The following EZH1 variants were observed in gnomAD, a reference collection of about 807,000 sequenced individuals.
EZH1 encodes histone-lysine N-methyltransferase EZH1.
A neutral mutation model predicts 100.5 loss-of-function variants in EZH1; 33 were observed. The observed-to-expected ratio is 0.33, with a 90% confidence interval of 0.25 to 0.44. The LOEUF (loss-of-function observed/expected upper bound fraction) is 0.44, where lower values mean the gene tolerates loss of function less well. Ranked by LOEUF, EZH1 falls within the 20% of genes least tolerant of loss-of-function variation. The pLI, the probability that EZH1 is intolerant of heterozygous loss-of-function variation, is 1.00. For synonymous variants in EZH1, 272 were observed against 313.8 expected (o/e 0.87, Z 1.41); for missense variants, 475 against 928.4 (o/e 0.51, Z 6.35).
intron 1 of EZH1, among the ~76,000 whole-genome samples, chr17:42,734,005 AC>A (rs1213447622): frequency 6.6e-6 from 1 of 150,620 alleles, no homozygotes; most frequent in Non-Finnish European, 1.5e-5. Context: ...ACCCATTACC[AC>A]ACATATACCA....
Position 42,706,311 on chromosome 17 carries a change from G to A in EZH1, c.1661-126C>T. The A allele has an allele frequency of 2.6e-6, 2 of 771,934 alleles. No individual in the cohort carries two copies. The highest frequency in any genetic ancestry group is 3.8e-6 in the Non-Finnish European group (2 of 523,828). 47.8% of individuals were successfully genotyped at this position (771,934 alleles called of 1,614,324 possible). ...AGGATGTTTGGCAAAATAAGAGGAA[G>A]CTCCCTTCCCAATAATCAAATACAC... On this transcript the variant is annotated intron_variant, in intron 15 of 20. Transcript: ENST00000428826. The surrounding 1 kb of genome is among the most constrained non-coding windows in gnomAD (Gnocchi z 4.4).
At chr17:42,739,711 G>C (rs1465029390) in intron 1 of EZH1, among the ~76,000 whole-genome samples, 2 of 151,812 alleles carry the variant, frequency 1.3e-5, no homozygotes, top group Non-Finnish European at 2.9e-5. Context: ...TGAGCAACAA[G>C]AGTGAAATTC....
rs569157612 is a variant in EZH1, at chr17:42,706,941, C to T, written c.1661-756G>A. On this transcript the variant is annotated intron_variant, in intron 15 of 20. Coordinates refer to ENST00000428826, the MANE Select transcript of EZH1 (RefSeq NM_001991.5). The surrounding 1 kb of genome is among the most constrained non-coding windows in gnomAD (Gnocchi z 4.4). ...CACTTCTCTGCTGCGGCTAAGATCACTATCTGCTATGGGTTAGGAGGTATT... is the reference window on the plus strand; with the variant it reads ...CACTTCTCTGCTGCGGCTAAGATCATTATCTGCTATGGGTTAGGAGGTATT... Among the ~76,000 whole-genome samples, 46 of 152,318 alleles carry T rather than the reference C, an allele frequency of 3.0e-4. No homozygotes were observed. The highest frequency in any genetic ancestry group is 1.0e-3 in the African/African-American group (42 of 41,578).
chr17:42,705,578 G>A (rs1308314198), intron 16 of EZH1: 6 of 184,442 alleles, frequency 3.3e-5, no homozygotes, highest in East Asian at 1.6e-4. Context: ...GGAGTGCAGT[G>A]GTGCGATCTC....
At chr17:42,725,783 T>C (rs942912929) in intron 4 of EZH1, among the ~76,000 whole-genome samples, 1 of 152,212 alleles carries the variant, frequency 6.6e-6, no homozygotes, top group African/African-American at 2.4e-5. Context: ...CTTAGCTGCA[T>C]AGGTGATAGG....
chr17:42,720,580 G>A, intron 6 of EZH1, 131 bp from the exon 7 acceptor site: 1 of 727,034 alleles, frequency 1.4e-6, no homozygotes, highest in Non-Finnish European at 2.1e-6. Context: ...TGGGAGATCA[G>A]GAAATTACAA....
chr17:42,712,832 G>A (rs2053511857), intron 11 of EZH1, among the ~76,000 whole-genome samples: 1 of 152,126 alleles, frequency 6.6e-6, no homozygotes, highest in Non-Finnish European at 1.5e-5. Flanking sequence ...GAGGTCAGAA[G>A]TTCAAGACCA....
At chr17:42,735,903 T>C (rs2054056107) in intron 1 of EZH1, among the ~76,000 whole-genome samples, 2 of 152,002 alleles carry the variant, frequency 1.3e-5, no homozygotes, top group African/African-American at 4.8e-5. Flanking sequence ...GAGAATTGCT[T>C]AAACCCAGGA....
chr17:42,704,482 A>G, intron 18 of EZH1, 120 bp downstream of exon 18: 1 of 692,452 alleles, frequency 1.4e-6, no homozygotes, highest in East Asian at 2.9e-5. Flanking sequence ...CAGAGGGTAG[A>G]GGCTACAGTG....
intron 13 of EZH1, 190 bp from the exon 14 acceptor site, chr17:42,709,106 C>T (rs2053422027): frequency 4.9e-6 from 3 of 617,802 alleles, no homozygotes; most frequent in South Asian, 3.9e-5. Context: ...GCCTGTGCTA[C>T]AAGAGTTAAA....
At position 42,730,911 on chromosome 17, in the gene EZH1, G is replaced by A. The variant is rs1405648534; in HGVS notation, c.-95C>T. On this transcript the variant is annotated 5_prime_UTR_variant, in exon 2 of 21. Coordinates refer to ENST00000428826, the MANE Select transcript of EZH1 (RefSeq NM_001991.5). ...ATGGCAGGACACAACAGCAGAACAGGTGTCCAGCTTTTCAAAAGAGAACAG... is the reference window on the plus strand; with the variant it reads ...ATGGCAGGACACAACAGCAGAACAGATGTCCAGCTTTTCAAAAGAGAACAG... 1.0e-6 allele frequency: 1 copy of A among 985,328 alleles called. No homozygotes were observed. Among genetic ancestry groups the A allele is most frequent in the East Asian group, 1.1e-4 (1 of 8,968 alleles). The allele number at this position is 985,328 out of a possible 1,614,324, so 61.0% of individuals were successfully genotyped here. A position where few individuals can be genotyped will look rare whatever the true frequency, so the allele number is the denominator to read the frequency against.
At position 42,745,027 on chromosome 17, in the gene EZH1, C is replaced by G. The variant is rs558974793; in HGVS notation, c.-119G>C. 1.2e-5 allele frequency: 15 copies of G among 1,272,748 alleles called. No homozygotes were observed. The South Asian group carries it at 1.7e-4, about 14-fold the overall frequency. The allele number at this position is 1,272,748 out of a possible 1,614,324, so 78.8% of individuals were successfully genotyped here. ...CTCACTCACCCTCCATCCCGAGCCGCGGGTCCCGCTGCTAGGACGCATGCG... is the reference window on the plus strand; with the variant it reads ...CTCACTCACCCTCCATCCCGAGCCGGGGGTCCCGCTGCTAGGACGCATGCG... On this transcript the variant is annotated 5_prime_UTR_variant, in exon 1 of 21. Coordinates refer to ENST00000428826, the MANE Select transcript of EZH1 (RefSeq NM_001991.5).
intron 6 of EZH1, among the ~76,000 whole-genome samples, chr17:42,721,821 G>C (rs1365209340): frequency 6.6e-6 from 1 of 151,972 alleles, no homozygotes; most frequent in African/African-American, 2.4e-5. Flanking sequence ...ACCAGCCTGG[G>C]CAACGTGGTG....
Position 42,717,965 on chromosome 17 carries a change from T to A in EZH1, c.1023+11A>T. The A allele has an allele frequency of 6.2e-7, 1 of 1,613,498 alleles. No homozygotes were observed. The highest frequency in any genetic ancestry group is 2.2e-5 in the East Asian group (1 of 44,884). On this transcript the variant is annotated intron_variant, in intron 10 of 20. Coordinates refer to ENST00000428826, the MANE Select transcript of EZH1 (RefSeq NM_001991.5). The stretch of plus-strand genomic sequence containing the variant: ...TGAAGTTAATAATGCCAGAACAGCT[T>A]AAGAACATACCAGCAAAAGGAAGCA...
intron 1 of EZH1, among the ~76,000 whole-genome samples, chr17:42,740,117 T>C (rs550595764): frequency 6.6e-6 from 1 of 152,248 alleles, no homozygotes; most frequent in African/African-American, 2.4e-5. Flanking sequence ...GGCATGATCA[T>C]AGCTCACTGC....
intron 2 of EZH1, 99 bp from the exon 3 acceptor site, chr17:42,729,051 C>T: frequency 1.6e-6 from 2 of 1,255,884 alleles, no homozygotes; most frequent in Non-Finnish European, 2.2e-6. Context: ...CTTTCATTCC[C>T]ATTAAATTTA....
At chr17:42,730,487 C>CTTTTTTTT (rs1156867481) in intron 2 of EZH1, among the ~76,000 whole-genome samples, 7 of 66,666 alleles carry the variant, frequency 1.1e-4, no homozygotes, top group African/African-American at 2.3e-4. Context: ...AGTATGTATT[C>CTTTTTTTT]TTTTTTTTTT....
intron 4 of EZH1, among the ~76,000 whole-genome samples, chr17:42,725,267 A>T (rs2053796052): frequency 6.6e-6 from 1 of 152,008 alleles, no homozygotes; most frequent in Non-Finnish European, 1.5e-5. Context: ...TGTGGAAAGT[A>T]GAAACTCTTT....
At chr17:42,711,176 A>G (rs2053474608) in intron 12 of EZH1, among the ~76,000 whole-genome samples, 1 of 151,924 alleles carries the variant, frequency 6.6e-6, no homozygotes, top group South Asian at 2.1e-4. Context: ...TCTCTACTAA[A>G]AAAAAATACA....
Sources: gnomAD v4.1 joint callset for allele counts (sites outside exome capture counted in the v4.1 genomes callset) on GRCh38, gnomAD v4.1.1 for gene constraint, Gnocchi (gnomAD v3.1) non-coding constraint, MANE v1.5 for transcripts, NCBI Gene and HGNC (gene_info 2026-07-23, HGNC 2026-07-21) for gene names.